The following HDAC9 variants were observed in gnomAD, a reference collection of about 807,000 sequenced individuals.
The protein encoded by HDAC9 is MEF-2 interacting transcription repressor (MITR) protein.
Under a neutral mutation model 139.4 loss-of-function variants are expected in HDAC9, and 41 were observed. The observed-to-expected ratio is 0.29, with a 90% CI of 0.23 to 0.38. The LOEUF is 0.38. HDAC9 is among the 10% of genes least tolerant of loss of function. HDAC9 has a pLI of 1.00. For synonymous variants in HDAC9, 517 were observed against 476.2 expected (o/e 1.09, Z -1.12); for missense variants, 1,147 against 1,297.0 (o/e 0.88, Z 1.78).
At chr7:18,661,706 C>T (rs1459586863) in intron 11 of HDAC9, among the ~76,000 whole-genome samples, 2 of 151,996 alleles carry the variant, frequency 1.3e-5, no homozygotes, top group African/African-American at 4.8e-5. Context: ...TATCAAGAAA[C>T]ATTTCTTTTA....
chr7:18,305,749 G>A (rs952120702), intron 1 of HDAC9, among the ~76,000 whole-genome samples: 2 of 151,826 alleles, frequency 1.3e-5, no homozygotes, highest in African/African-American at 4.9e-5. Flanking sequence ...CATATGCATA[G>A]CACACCATGT....
At chr7:18,491,663 A>G (rs1796377736), upstream of HDAC9, among the ~76,000 whole-genome samples, 1 of 152,018 alleles carries the variant, frequency 6.6e-6, no homozygotes, top group African/African-American at 2.4e-5. Context: ...TGGGTTCAGA[A>G]GTACTGCTTA....
At chr7:18,321,521 A>T (rs867780860) in intron 1 of HDAC9, among the ~76,000 whole-genome samples, 10 of 152,146 alleles carry the variant, frequency 6.6e-5, no homozygotes, top group East Asian at 1.9e-4. Flanking sequence ...TATGCTTTTT[A>T]AAAAAATGTT....
intron 25 of HDAC9, among the ~76,000 whole-genome samples, chr7:18,989,277 A>T (rs1785652930): frequency 1.3e-5 from 2 of 150,358 alleles, no homozygotes; most frequent in African/African-American, 2.5e-5. Flanking sequence ...AAAATCTCTC[A>T]GCATTTGCTT....
At chr7:18,715,765 C>G (rs1181199997) in intron 12 of HDAC9, among the ~76,000 whole-genome samples, 1 of 151,972 alleles carries the variant, frequency 6.6e-6, no homozygotes, top group African/African-American at 2.4e-5. Context: ...TTTATTATGG[C>G]CACTTACTCC....
chr7:18,671,328 A>G (rs1433340116), intron 12 of HDAC9, among the ~76,000 whole-genome samples: 1 of 151,960 alleles, frequency 6.6e-6, no homozygotes, highest in East Asian at 1.9e-4. Flanking sequence ...CCACACCCCT[A>G]GAGGTTCTGA....
chr7:18,318,899 C>T (rs1350451719), intron 1 of HDAC9, among the ~76,000 whole-genome samples: 1 of 152,114 alleles, frequency 6.6e-6, no homozygotes, highest in Non-Finnish European at 1.5e-5. Flanking sequence ...ACTTTTGCTC[C>T]TCAAAGTCTC....
intron 2 of HDAC9, among the ~76,000 whole-genome samples, chr7:18,232,860 A>T (rs1426004287): frequency 6.6e-6 from 1 of 152,134 alleles, no homozygotes; most frequent in African/African-American, 2.4e-5. Context: ...GAATAAATCC[A>T]CTATTATCAT....
chr7:18,676,012 A>G (rs1365076953), intron 12 of HDAC9, among the ~76,000 whole-genome samples: 1 of 152,050 alleles, frequency 6.6e-6, no homozygotes, highest in Non-Finnish European at 1.5e-5. Flanking sequence ...CGAAGGATGT[A>G]TTAAGAATAT....
At chr7:18,499,807 A>C (rs1208104800) in intron 2 of HDAC9, among the ~76,000 whole-genome samples, 1 of 152,168 alleles carries the variant, frequency 6.6e-6, no homozygotes, top group Non-Finnish European at 1.5e-5. Flanking sequence ...CAAAGTCCTG[A>C]AATTCTTTTA....
At chr7:18,949,922 T>C (rs960648836) in intron 23 of HDAC9, among the ~76,000 whole-genome samples, 3 of 151,986 alleles carry the variant, frequency 2.0e-5, no homozygotes, top group Non-Finnish European at 4.4e-5. Flanking sequence ...TATATACACA[T>C]ACATAATTTA....
upstream of HDAC9, among the ~76,000 whole-genome samples, chr7:18,495,154 C>T (rs1796696960): frequency 6.6e-6 from 1 of 151,986 alleles, no homozygotes; most frequent in Non-Finnish European, 1.5e-5. Flanking sequence ...CCTGTTAGTC[C>T]TGAAACTAGA....
intron 2 of HDAC9, among the ~76,000 whole-genome samples, chr7:18,278,277 G>A (rs1796877016): frequency 6.6e-6 from 1 of 152,168 alleles, no homozygotes; most frequent in Non-Finnish European, 1.5e-5. Context: ...TTAGCTTCGT[G>A]TCTAGAGTCT....
At chr7:18,987,529 T>C (rs1161810428) in intron 25 of HDAC9, among the ~76,000 whole-genome samples, 2 of 152,074 alleles carry the variant, frequency 1.3e-5, no homozygotes, top group South Asian at 4.2e-4. Flanking sequence ...TAAAATTCTC[T>C]TTTTTGGTTG....
intron 2 of HDAC9, among the ~76,000 whole-genome samples, chr7:18,189,181 A>G (rs1790143932): frequency 6.6e-6 from 1 of 152,212 alleles, no homozygotes; most frequent in Admixed American, 6.5e-5. Flanking sequence ...GAATGAGATC[A>G]TGTCCTTTGC....
chr7:18,679,197 G>T (rs1411100284), intron 12 of HDAC9, among the ~76,000 whole-genome samples: 1 of 151,886 alleles, frequency 6.6e-6, no homozygotes, highest in Admixed American at 6.6e-5. Flanking sequence ...GTGTGGCTTG[G>T]TCATTTTCAA....
intron 22 of HDAC9, among the ~76,000 whole-genome samples, chr7:18,909,391 TATG>T (rs1563047486): frequency 6.6e-6 from 1 of 152,044 alleles, no homozygotes; most frequent in Non-Finnish European, 1.5e-5. Flanking sequence ...AGCTTTCTAG[TATG>T]ATATTATTTC....
chr7:18,872,595 G>T (rs1799011467), intron 21 of HDAC9, among the ~76,000 whole-genome samples: 2 of 152,122 alleles, frequency 1.3e-5, no homozygotes, highest in African/African-American at 4.8e-5. Flanking sequence ...AGAAGAGAGA[G>T]AAAAATTCAC....
chr7:18,316,417 G>A (rs1382537742), intron 1 of HDAC9, among the ~76,000 whole-genome samples: 1 of 151,970 alleles, frequency 6.6e-6, no homozygotes, highest in Non-Finnish European at 1.5e-5. Flanking sequence ...CTTTTCATTG[G>A]GAAATAATGC....
Sources: gnomAD v4.1 joint callset for allele counts (sites outside exome capture counted in the v4.1 genomes callset) on GRCh38, gnomAD v4.1.1 for gene constraint, MANE v1.5 for transcripts, NCBI Gene and HGNC (gene_info 2026-07-23, HGNC 2026-07-21) for gene names.